The following ADPRHL1 variants were observed in gnomAD, a reference collection of about 807,000 sequenced individuals.
ADPRHL1 encodes the protein inactive ADP-ribosyltransferase ARH2.
ADPRHL1 carries 43 observed loss-of-function variants against 44.1 expected under a neutral mutation model. The observed-to-expected ratio is 0.98, with a 90% CI of 0.76 to 1.26. The LOEUF (loss-of-function observed/expected upper bound fraction) is 1.26, where lower values mean the gene tolerates loss of function less well. ADPRHL1 is among the 50% of genes most tolerant of loss of function. The probability of loss-of-function intolerance (pLI) is 0.00; values close to 1 mark genes in which losing one functional copy is unlikely to be tolerated. For synonymous variants in ADPRHL1, 878 were observed against 1,017.4 expected, an observed-to-expected ratio of 0.86 and a Z score of 2.61; for missense variants, 2,022 against 2,496.9, an observed-to-expected ratio of 0.81 and a Z score of 4.05.
chr13:113,400,213 T>C lies in ADPRHL1; in HGVS notation c.*3165A>G, dbSNP rs2043747952. ...CAGGCTGGAGTGCAGTGGCGCAATC[T>C]CGGCTCACTGCAAGCTCCACCTCCC... On this transcript the variant is annotated 3_prime_UTR_variant, in exon 8 of 8. Coordinates refer to ENST00000612156, the MANE Select transcript of ADPRHL1 (RefSeq NM_001394807.1). 2.7e-5 allele frequency: 4 copies of C among 147,274 alleles called. No homozygotes were observed. The South Asian group carries it at 8.9e-4, about 33-fold the overall frequency. 9.1% of individuals were successfully genotyped at this position (147,274 alleles called of 1,614,324 possible). A position where few individuals can be genotyped will look rare whatever the true frequency, so the allele number is the denominator to read the frequency against.
intron 3 of ADPRHL1, among the ~76,000 whole-genome samples, chr13:113,432,158 C>T (rs770771653): frequency 2.0e-5 from 3 of 152,208 alleles, no homozygotes; most frequent in Non-Finnish European, 4.4e-5. Context: ...GGGCCTCGCC[C>T]TGTCGCCCAG....
chr13:113,415,750 C>CAAAAAAAAAA (rs71214119), intron 7 of ADPRHL1, among the ~76,000 whole-genome samples: 785 of 62,948 alleles, frequency 0.012, 79 homozygotes, highest in African/African-American at 0.025. Context: ...GACTCCATCT[C>CAAAAAAAAAA]AAAAAAAAAA....
At chr13:113,435,626 C>T (rs75498229) in intron 2 of ADPRHL1, among the ~76,000 whole-genome samples, 115 of 600 alleles carry the variant, frequency 0.19, 29 homozygotes, top group Non-Finnish European at 0.53. Flanking sequence ...AGAGTGAACA[C>T]AGGTGTACCC....
intron 4 of ADPRHL1, among the ~76,000 whole-genome samples, chr13:113,426,249 A>AGCTGCCCAGACCCGGGCCC (rs2043967343): frequency 3.3e-5 from 5 of 152,176 alleles, no homozygotes; most frequent in African/African-American, 1.2e-4. Flanking sequence ...GGAGGTGTGC[A>AGCTGCCCAGACCCGGGCCC]GCTGCCCAGA....
At chr13:113,412,036 G>A (rs376681110) in intron 7 of ADPRHL1, among the ~76,000 whole-genome samples, 4 of 152,158 alleles carry the variant, frequency 2.6e-5, no homozygotes, top group South Asian at 2.1e-4. Context: ...TTGAACCTGC[G>A]GGTGGTTCCT....
chr13:113,416,235 G>T (rs1445296504), intron 7 of ADPRHL1, among the ~76,000 whole-genome samples: 1 of 152,004 alleles, frequency 6.6e-6, no homozygotes, highest in East Asian at 1.9e-4. Context: ...TGTATTTCCT[G>T]GAAATAAATC....
rs116565660 is a variant in ADPRHL1, at chr13:113,403,027, C to T, written c.*351G>A. 5,515 of 176,284 alleles carry T rather than the reference C, an allele frequency of 0.031. 145 individuals carry two copies. Among genetic ancestry groups the T allele is most frequent in the African/African-American group, 0.074 (3,132 of 42,498 alleles). The allele number at this position is 176,284 out of a possible 1,614,324, so 10.9% of individuals were successfully genotyped here. A position where few individuals can be genotyped will look rare whatever the true frequency, so the allele number is the denominator to read the frequency against. On this transcript the variant is annotated 3_prime_UTR_variant, in exon 8 of 8. Coordinates refer to ENST00000612156, the MANE Select transcript of ADPRHL1 (RefSeq NM_001394807.1). Reference sequence around the variant, plus strand: ...CCAGCATCCTGCAGATCGAAGGGGACGCACACACCGTGCCACTGCGGGAGG... The same window carrying T: ...CCAGCATCCTGCAGATCGAAGGGGATGCACACACCGTGCCACTGCGGGAGG...
chr13:113,436,218 T>G (rs1472590043), intron 2 of ADPRHL1, among the ~76,000 whole-genome samples: 4 of 151,088 alleles, frequency 2.6e-5, no homozygotes, highest in South Asian at 2.1e-4. Flanking sequence ...TGAACACAGG[T>G]GTACCCCGGG....
intron 1 of ADPRHL1, 34 bp from the exon 2 acceptor site, chr13:113,444,623 A>C (rs1402576310): frequency 6.2e-7 from 1 of 1,606,316 alleles, no homozygotes; most frequent in African/African-American, 1.3e-5. Context: ...CATCAGAGCC[A>C]GCTGTGGTGT....
Position 113,408,023 on chromosome 13 carries a change from TGG to T in ADPRHL1, c.1257_1258del (p.Gln420GlyfsTer196). On this transcript the variant is annotated frameshift_variant, in exon 8 of 8. Transcript: ENST00000612156. LOFTEE classifies it low-confidence loss of function (END_TRUNC). ...GCGCGTGGGCCGCTGGGTGGCCTCC[TGG>T]GTCTGGGGCTGGTGGCTGGGCCTGC... The T allele has an allele frequency of 8.1e-7, 1 of 1,232,944 alleles. No homozygotes were observed. Among genetic ancestry groups the T allele is most frequent in the Non-Finnish European group, 1.0e-6 (1 of 988,726 alleles). The allele number at this position is 1,232,944 out of a possible 1,614,324, so 76.4% of individuals were successfully genotyped here.
rs115168334 is a variant in ADPRHL1 at position 113,447,819 on chromosome 13, G to A, written c.215-3230C>T. 3.6e-3 allele frequency among the ~76,000 whole-genome samples: 544 copies of A among 152,292 alleles called. 5 individuals carry two copies. The highest frequency in any genetic ancestry group is 0.012 in the African/African-American group (516 of 41,562). On this transcript the variant is annotated intron_variant, in intron 1 of 7. Transcript: ENST00000612156. ...AACCCCTGGATGGGGGTACAGCTGCGTGGCTTTGTCCAGGCTGTGTCTAAA... is the reference window on the plus strand; with the variant it reads ...AACCCCTGGATGGGGGTACAGCTGCATGGCTTTGTCCAGGCTGTGTCTAAA...
rs373315047 is a variant in ADPRHL1 at position 113,428,341 on chromosome 13, GAC to G, written c.646+609_646+610del. ...TCAAATCCTCCCTCTCCTTCTCAAGGACACACACACTGGATACGTTATTTCCA... is the reference window on the plus strand; with the variant it reads ...TCAAATCCTCCCTCTCCTTCTCAAGGACACACACTGGATACGTTATTTCCA... On this transcript the variant is annotated intron_variant, in intron 4 of 7. Coordinates refer to ENST00000612156, the MANE Select transcript of ADPRHL1 (RefSeq NM_001394807.1). Among the ~76,000 whole-genome samples, 134 of 151,990 alleles carry G rather than the reference GAC, an allele frequency of 8.8e-4. 1 individual carries two copies. Among genetic ancestry groups the G allele is most frequent in the African/African-American group, 2.9e-3 (120 of 41,426 alleles).
intron 7 of ADPRHL1, among the ~76,000 whole-genome samples, chr13:113,418,674 G>A (rs577741720): frequency 2.0e-5 from 3 of 152,162 alleles, no homozygotes; most frequent in South Asian, 4.2e-4. Context: ...TCTCAGCCAC[G>A]ATTGGAACTC....
chr13:113,405,251 G>A lies in ADPRHL1; in HGVS notation c.4031C>T (p.Pro1344Leu). 8.1e-7 allele frequency: 1 copy of A among 1,231,896 alleles called. No individual in the cohort carries two copies. The highest frequency in any genetic ancestry group is 1.0e-6 in the Non-Finnish European group (1 of 988,072). 76.3% of individuals were successfully genotyped at this position (1,231,896 alleles called of 1,614,324 possible). A position where few individuals can be genotyped will look rare whatever the true frequency, so the allele number is the denominator to read the frequency against. ...CTTTGCCTGTGTGTCACCAGCAGTA[G>A]GGGGCAGGTGTGCCTGTAGATGGGG... is the stretch of plus-strand genomic sequence containing the variant. The part of the protein sequence containing the change: ...GPPHLQAHLP[P>L]TAGDTQAKLR... The change falls in exon 8 of 8, where the codon CCT (proline) becomes CTT (leucine). Residue 1344 changes from proline to leucine, a missense_variant. Transcript: ENST00000612156.
chr13:113,419,992 TC>T (rs1158137752), intron 7 of ADPRHL1, among the ~76,000 whole-genome samples: 14 of 151,652 alleles, frequency 9.2e-5, no homozygotes, highest in African/African-American at 3.4e-4. Flanking sequence ...GGCACACAGC[TC>T]GGGGGGTGTG....
intron 7 of ADPRHL1, among the ~76,000 whole-genome samples, chr13:113,415,947 G>A (rs560456086): frequency 2.6e-5 from 4 of 152,032 alleles, no homozygotes; most frequent in Non-Finnish European, 5.9e-5. Flanking sequence ...TTATGAAAAA[G>A]AAAATCTAAC....
intron 2 of ADPRHL1, among the ~76,000 whole-genome samples, chr13:113,437,129 G>A (rs2044065865): frequency 6.7e-6 from 1 of 148,234 alleles, no homozygotes. Flanking sequence ...CCCACACGTA[G>A]AGTGAACACA....
At chr13:113,413,503 G>A (rs909701213) in intron 7 of ADPRHL1, among the ~76,000 whole-genome samples, 1 of 152,240 alleles carries the variant, frequency 6.6e-6, no homozygotes, top group Non-Finnish European at 1.5e-5. Context: ...GGCGACTCCC[G>A]CGTGGGGCTC....
rs1054665005 is a variant in ADPRHL1 at position 113,407,221 on chromosome 13, C to G, written c.2061G>C (p.Lys687Asn). 4.1e-6 allele frequency: 5 copies of G among 1,232,098 alleles called. No individual in the cohort carries two copies. In the South Asian group the frequency reaches 1.6e-4, roughly 41 times the overall value. The allele number at this position is 1,232,098 out of a possible 1,614,324, so 76.3% of individuals were successfully genotyped here. ...GAGCCATCACCTGGGGTGTCACGGG[C>G]TTCGAGGGCCTTGGCTGTCTTTGGG... Reference protein sequence around the residue: ...EEPQRQPRPSKPVTPQVMAQR... With the variant: ...EEPQRQPRPSNPVTPQVMAQR... The change falls in exon 8 of 8, where the codon AAG becomes AAC. Residue 687 changes from lysine to asparagine, a missense_variant. This residue lies in a region of ADPRHL1 where 1,221 missense variants were observed against 1,517.8 expected (regional missense o/e 0.80). Transcript: ENST00000612156.
Sources: allele counts gnomAD v4.1 joint callset (sites outside exome capture counted in the v4.1 genomes callset), GRCh38; gene constraint gnomAD v4.1.1; regional missense constraint gnomAD v4.1.1; transcripts MANE v1.5; gene names NCBI Gene and HGNC (gene_info 2026-07-23, HGNC 2026-07-21).